TTN: variants seen among roughly 807,000 people sequenced by gnomAD.
TTN encodes the protein connectin.
In TTN, 1,525 loss-of-function variants were observed where a neutral mutation model predicts 3,223.0. The ratio of observed to expected loss-of-function variants is 0.47; its 90% CI spans 0.45 to 0.49. The LOEUF is 0.49. Ranked by LOEUF, TTN falls within the 20% of genes least tolerant of loss-of-function variation. TTN has a pLI of 0.00. For synonymous variants in TTN, 14,094 were observed against 15,161.0 expected, an observed-to-expected ratio of 0.93 and a Z score of 5.17; for missense variants, 40,786 against 43,424.0, an observed-to-expected ratio of 0.94 and a Z score of 5.40.
At chr2:178,550,934 T>C (rs752969659) in intron 336 of TTN, 33 bp downstream of exon 336, 9 of 1,598,932 alleles carry the variant, frequency 5.6e-6, no homozygotes, top group Non-Finnish European at 6.8e-6. Flanking sequence ...TGAATGCTCT[T>C]AGTCTCATTG....
intron 125 of TTN, 101 bp from the exon 126 acceptor site, chr2:178,688,879 G>A (rs1280912546): frequency 1.5e-5 from 17 of 1,126,674 alleles, no homozygotes; most frequent in Non-Finnish European, 2.1e-5. Context: ...ACTTTGACTA[G>A]CAAAATGGGA....
At chr2:178,685,158 G>C in intron 129 of TTN, 95 bp downstream of exon 129, 1 of 1,235,730 alleles carries the variant, frequency 8.1e-7, no homozygotes, top group Non-Finnish European at 1.1e-6. Context: ...AGACAGTTAT[G>C]CAAATTGTTA....
chr2:178,732,262 A>G lies in TTN; in HGVS notation c.16707T>C (p.Gly5569=). ...DATQLACKVT[G]TPPIKITWFA... ...ACCATGTTATTTTAATTGGAGGGGT[A>G]CCAGTTACTTTGCAGGCTAGCTGGG... is the stretch of plus-strand genomic sequence containing the variant. The change falls in exon 57 of 363, where the codon GGT becomes GGC. Residue 5569 remains glycine (G), a synonymous_variant. Transcript: ENST00000589042. 1 of 1,613,804 alleles carries G rather than the reference A, an allele frequency of 6.2e-7. No individual in the cohort carries two copies.
intron 96 of TTN, 86 bp from the exon 97 acceptor site, chr2:178,711,435 TGC>T: frequency 7.6e-7 from 1 of 1,312,248 alleles, no homozygotes; most frequent in Non-Finnish European, 1.0e-6. Context: ...CACGTATATA[TGC>T]AATTTCTATT....
In TTN at chr2:178,566,162, T is replaced by C. The variant is rs1397158186; in HGVS notation, c.79970A>G (p.Asp26657Gly). 2 of 1,613,708 alleles carry C rather than the reference T, an allele frequency of 1.2e-6. No homozygotes were observed. The highest frequency in any genetic ancestry group is 1.7e-6 in the Non-Finnish European group (2 of 1,179,692). The change falls in exon 326 of 363, where the codon GAT becomes GGT. Residue 26657 changes from aspartate to glycine, a missense_variant. Physicochemically the swap from Asp to Gly is moderately conservative, Grantham distance 94. Coordinates refer to ENST00000589042, the MANE Select transcript of TTN (RefSeq NM_001267550.2). ...CAACTTAAGAATGTATTTTCCAGCA[T>C]CATTTCTATCACAGTTATCTATTGA... ...QLSIDNCDRN[D>G]AGKYILKLEN...
Position 178,539,864 on chromosome 2 carries a change from G to T in TTN, c.98201C>A (p.Pro32734Gln), listed in dbSNP as rs1559091870. ...GCCTTCCTTGGTCCATTTACATATT[G>T]GGAATGGTTTTCCTTTGATTGGTAT... is the stretch of plus-strand genomic sequence containing the variant. ...LTIPIKGKPF[P>Q]ICKWTKEGQD... Residue 32734 changes from proline to glutamine, a missense_variant, in exon 352 of 363, where the codon CCA becomes CAA. Pro to Gln is a moderately conservative substitution (Grantham distance 76, BLOSUM62 -1). Coordinates refer to ENST00000589042, the MANE Select transcript of TTN (RefSeq NM_001267550.2). 1.2e-6 allele frequency: 2 copies of T among 1,613,740 alleles called. No individual in the cohort carries two copies. Among genetic ancestry groups the T allele is most frequent in the Non-Finnish European group, 1.7e-6 (2 of 1,179,760 alleles).
chr2:178,595,179 A>T (rs1413074475), intron 295 of TTN, among the ~76,000 whole-genome samples: 2 of 152,170 alleles, frequency 1.3e-5, no homozygotes, highest in East Asian at 3.9e-4. Flanking sequence ...ACTGAGACAC[A>T]AGAATCACTT....
Position 178,590,718 on chromosome 2 carries a change from T to C in TTN, c.61007A>G (p.Tyr20336Cys), listed in dbSNP as rs1471127612. The change falls in exon 304 of 363, where the codon TAT (tyrosine) becomes TGT (cysteine). Residue 20336 changes from tyrosine to cysteine, a missense_variant. Coordinates refer to ENST00000589042, the MANE Select transcript of TTN (RefSeq NM_001267550.2). ...ADLKFRVTGLYEGNTYEFRVF... is the reference protein window; with the variant it reads ...ADLKFRVTGLCEGNTYEFRVF... Reference sequence around the variant, plus strand: ...TCTAAACTCATATGTATTTCCTTCATAGAGTCCAGTCACTCTGAACTTCAG... The same window carrying C: ...TCTAAACTCATATGTATTTCCTTCACAGAGTCCAGTCACTCTGAACTTCAG... 1 of 1,612,794 alleles carries C rather than the reference T, an allele frequency of 6.2e-7. No homozygotes were observed.
Position 178,636,525 on chromosome 2 carries a change from A to T in TTN, c.41202T>A (p.Phe13734Leu). The T allele has an allele frequency of 6.2e-7, 1 of 1,613,462 alleles. No homozygotes were observed. Among genetic ancestry groups the T allele is most frequent in the East Asian group, 2.2e-5 (1 of 44,782 alleles). Residue 13734 changes from phenylalanine (F) to leucine (L), a missense_variant, in exon 225 of 363, where the codon TTT becomes TTA. By Grantham distance (22) the Phe-to-Leu change is conservative. Coordinates refer to ENST00000589042, the MANE Select transcript of TTN (RefSeq NM_001267550.2). This position sits in a 1 kb window ranked among gnomAD's most constrained non-coding sequence, Gnocchi z 4.3. Reference sequence around the variant, plus strand: ...GCTTTCTGTCTTTACCATCTGCAATAAACCTGTGCTTGGGACTCTCACGGA... The same window carrying T: ...GCTTTCTGTCTTTACCATCTGCAATTAACCTGTGCTTGGGACTCTCACGGA... The part of the protein sequence containing the change: ...SNIRESPKHR[F>L]IADGKDRKLH...
chr2:178,711,875 C>T lies in TTN; in HGVS notation c.27886+69G>A, dbSNP rs577950665. 51 of 1,489,976 alleles carry T rather than the reference C, an allele frequency of 3.4e-5. No individual in the cohort carries two copies. The African/African-American group carries it at 6.9e-4, about 20-fold the overall frequency. The allele number at this position is 1,489,976 out of a possible 1,614,324, so 92.3% of individuals were successfully genotyped here. On this transcript the variant is annotated intron_variant, in intron 96 of 362. Transcript: ENST00000589042. Reference sequence around the variant, plus strand: ...GGAAAGATTTTCCTAAAAAATAGGCCTCCCCAGACATTTTAAATCTTGTTC... The same window carrying T: ...GGAAAGATTTTCCTAAAAAATAGGCTTCCCCAGACATTTTAAATCTTGTTC...
In TTN at chr2:178,635,195, T is replaced by G; in HGVS notation, c.41994A>C (p.Lys13998Asn). ...AGGGCCTTAGAAGTTCTCCTTTCAG[T>G]TTCCATTGTCCAGGAATGTCTGCCT... ...ISEADIPGQW[K>N]LKGELLRPSP... The change falls in exon 228 of 363, where the codon AAA becomes AAC. Residue 13998 changes from lysine to asparagine, a missense_variant. By Grantham distance (94) the Lys-to-Asn change is moderately conservative (BLOSUM62 0). Coordinates refer to ENST00000589042, the MANE Select transcript of TTN (RefSeq NM_001267550.2). 1 of 1,613,068 alleles carries G rather than the reference T, an allele frequency of 6.2e-7. No homozygotes were observed. Among genetic ancestry groups the G allele is most frequent in the African/African-American group, 1.3e-5 (1 of 75,002 alleles).
chr2:178,777,658 GT>G (rs1251957856), intron 25 of TTN, 45 bp downstream of exon 25: 1 of 1,613,674 alleles, frequency 6.2e-7, no homozygotes, highest in Non-Finnish European at 8.5e-7. Context: ...ACATAAGCTT[GT>G]TTTTGTGTTT....
At chr2:178,750,606 C>A (rs869025543) in intron 47 of TTN, 1 of 1,612,402 alleles carries the variant, frequency 6.2e-7, no homozygotes, top group Non-Finnish European at 8.5e-7. Flanking sequence ...AAAGAATTTT[C>A]AAAAAATCTC....
In TTN at chr2:178,528,338, C is replaced by T; in HGVS notation, c.107313G>A (p.Lys35771=). The change falls in exon 361 of 363, where the codon AAG becomes AAA. Residue 35771 remains lysine, a synonymous_variant. Coordinates refer to ENST00000589042, the MANE Select transcript of TTN (RefSeq NM_001267550.2). Reference sequence around the variant, plus strand: ...GGAAATTTTTGGCCTTAATTGTGTACTTTCCACTGTCGCTGACTGATGCAT... The same window carrying T: ...GGAAATTTTTGGCCTTAATTGTGTATTTTCCACTGTCGCTGACTGATGCAT... ...IRNASVSDSG[K]YTIKAKNFRG... The T allele has an allele frequency of 6.2e-7, 1 of 1,613,950 alleles. No homozygotes were observed. Among genetic ancestry groups the T allele is most frequent in the Middle Eastern group, 1.6e-4 (1 of 6,062 alleles).
In TTN at chr2:178,768,915, A is replaced by G. The variant is rs899464143; in HGVS notation, c.8921T>C (p.Met2974Thr). The G allele has an allele frequency of 6.8e-6, 11 of 1,613,938 alleles. No homozygotes were observed. In the Middle Eastern group the frequency reaches 8.3e-4, roughly 121 times the overall value. ...TTCTTCAGCGTTGATGTCTTTCAGC[A>G]TGGAAGTAATCATGATTGCTGCAAA... ...LTVTPIMITS[M>T]LKDINAEEKD... The change falls in exon 38 of 363, where the codon ATG becomes ACG. Residue 2974 changes from methionine to threonine, a missense_variant. Physicochemically the swap from Met to Thr is moderately conservative, Grantham distance 81. Coordinates refer to ENST00000589042, the MANE Select transcript of TTN (RefSeq NM_001267550.2).
intron 89 of TTN, 79 bp from the exon 90 acceptor site, chr2:178,715,343 CAGAG>C: frequency 6.6e-7 from 1 of 1,515,148 alleles, no homozygotes; most frequent in Non-Finnish European, 8.8e-7. Context: ...TCCACTCCAT[CAGAG>C]AGATAGAGAG....
chr2:178,764,490 G>A lies in TTN; in HGVS notation c.9988+37C>T, dbSNP rs760930608. The A allele has an allele frequency of 9.3e-6, 15 of 1,613,532 alleles. No individual in the cohort carries two copies. In the East Asian group the frequency reaches 1.3e-4, roughly 14 times the overall value. On this transcript the variant is annotated intron_variant, in intron 42 of 362. Transcript: ENST00000589042. ...GAAAGGACAAAAGCCTGCTTCTTAG[G>A]TTTTATTTTCAGCTGGAAGTAGCGA...
At chr2:178,701,271 T>C in intron 110 of TTN, 68 bp from the exon 111 acceptor site, 1 of 1,407,096 alleles carries the variant, frequency 7.1e-7, no homozygotes, top group Non-Finnish European at 9.8e-7. Context: ...TAATGAAAAG[T>C]CTCATGCATT....
chr2:178,719,764 A>C lies in TTN; in HGVS notation c.23728T>G (p.Cys7910Gly). Residue 7910 changes from cysteine (C) to glycine (G), a missense_variant, in exon 82 of 363, where the codon TGT (cysteine) becomes GGT (glycine). Physicochemically the swap from Cys to Gly is radical, Grantham distance 159 (BLOSUM62 -3). Coordinates refer to ENST00000589042, the MANE Select transcript of TTN (RefSeq NM_001267550.2). The stretch of plus-strand genomic sequence containing the variant: ...AGTTCTGGTGTTCCAGTCACTACAC[A>C]CTCTAATGCAAAAGGATTTCCAGTA... ...VTTGNPFALE[C>G]VVTGTPELSA... The C allele has an allele frequency of 6.2e-7, 1 of 1,613,420 alleles. No individual in the cohort carries two copies. Among genetic ancestry groups the C allele is most frequent in the Non-Finnish European group, 8.5e-7 (1 of 1,179,632 alleles).
Sources: allele counts gnomAD v4.1 joint callset (sites outside exome capture counted in the v4.1 genomes callset), GRCh38; gene constraint gnomAD v4.1.1; non-coding constraint Gnocchi (gnomAD v3.1); transcripts MANE v1.5; gene names NCBI Gene and HGNC (gene_info 2026-07-23, HGNC 2026-07-21).